The following RASEF variants were observed in gnomAD, a reference collection of about 807,000 sequenced individuals.
RASEF encodes the protein ras and EF-hand domain-containing protein.
RASEF carries 68 observed loss-of-function variants against 90.1 expected under a neutral mutation model. That is an observed-to-expected ratio of 0.75 (90% confidence interval 0.62 to 0.92). The LOEUF (loss-of-function observed/expected upper bound fraction) is 0.92, where lower values mean the gene tolerates loss of function less well. RASEF is among the 40% of genes least tolerant of loss of function. RASEF has a pLI of 0.00. For synonymous variants in RASEF, 331 were observed against 345.2 expected (o/e 0.96, Z 0.46); for missense variants, 949 against 937.2 (o/e 1.01, Z -0.16).
chr9:83,200,713 C>A, the RASEF span, among the ~76,000 whole-genome samples: 3 of 152,152 alleles, frequency 2.0e-5, no homozygotes, highest in Non-Finnish European at 4.4e-5. Flanking sequence ...ACTGCTGTAT[C>A]CCCAGGTTCT....
At chr9:83,091,086 A>G in the RASEF span, among the ~76,000 whole-genome samples, 2 of 152,186 alleles carry the variant, frequency 1.3e-5, no homozygotes, top group African/African-American at 4.8e-5. Flanking sequence ...ACATTCATCC[A>G]GCCAGGTGGT....
the RASEF span, among the ~76,000 whole-genome samples, chr9:83,093,251 A>G: frequency 2.6e-5 from 4 of 152,210 alleles, no homozygotes; most frequent in African/African-American, 4.8e-5. Flanking sequence ...TGGATCCCGC[A>G]CCAGGCTGCA....
At chr9:83,210,869 G>A in the RASEF span, among the ~76,000 whole-genome samples, 8 of 152,184 alleles carry the variant, frequency 5.3e-5, no homozygotes, top group Non-Finnish European at 8.8e-5. Context: ...CCAGACAAAC[G>A]AAGCTGGTCA....
the RASEF span, among the ~76,000 whole-genome samples, chr9:83,093,913 C>A: frequency 2.0e-5 from 3 of 152,066 alleles, no homozygotes; most frequent in African/African-American, 4.8e-5. Context: ...AGAATGATAG[C>A]TTCATAAATG....
rs1293538091 is a variant in RASEF at position 83,053,373 on chromosome 9, C to A, written c.431+9064G>T. Among the ~76,000 whole-genome samples the A allele has an allele frequency of 4.8e-5, 4 of 83,780 alleles. 1 individual carries two copies. The highest frequency in any genetic ancestry group is 3.3e-4 in the Admixed American group (3 of 9,100). The allele number at this position is 83,780 out of a possible 152,430, so 55.0% of individuals were successfully genotyped here. A position where few individuals can be genotyped will look rare whatever the true frequency, so the allele number is the denominator to read the frequency against. ...CAGAGACTAGGATTGCAACCCCTGC[C>A]TTTTTTTGTTTTCCATTTGCTTGGT... is the stretch of plus-strand genomic sequence containing the variant. On this transcript the variant is annotated intron_variant, in intron 1 of 16. Transcript: ENST00000376447.
intron 1 of RASEF, among the ~76,000 whole-genome samples, chr9:83,030,250 G>A (rs1302940860): frequency 4.6e-5 from 7 of 151,960 alleles, no homozygotes; most frequent in Non-Finnish European, 8.8e-5. Context: ...CCAGCTACTC[G>A]GGAGGCTGAG....
At chr9:83,198,202 C>T in the RASEF span, among the ~76,000 whole-genome samples, 2 of 152,152 alleles carry the variant, frequency 1.3e-5, no homozygotes, top group Non-Finnish European at 2.9e-5. Context: ...TACCCCAAAA[C>T]ATATAATTTA....
chr9:83,052,703 A>T (rs1564089725), intron 1 of RASEF, among the ~76,000 whole-genome samples: 3 of 82,134 alleles, frequency 3.7e-5, no homozygotes, highest in Non-Finnish European at 6.9e-5. Flanking sequence ...TTCCCTCTAC[A>T]CACTGCTTTG....
the RASEF span, among the ~76,000 whole-genome samples, chr9:83,185,353 C>CTT: frequency 0.34 from 48,672 of 142,920 alleles, 9,704 homozygotes; most frequent in Non-Finnish European, 0.46. Flanking sequence ...TTCTTTCTTT[C>CTT]TTTTTTTTTT....
At chr9:83,041,380 CCCAA>C (rs1829839565) in intron 1 of RASEF, among the ~76,000 whole-genome samples, 1 of 152,156 alleles carries the variant, frequency 6.6e-6, no homozygotes, top group Non-Finnish European at 1.5e-5. Flanking sequence ...TACCTTGCTA[CCCAA>C]CCATCAAACA....
upstream of RASEF, among the ~76,000 whole-genome samples, chr9:83,063,369 C>T (rs1830253057): frequency 6.6e-6 from 1 of 152,204 alleles, no homozygotes; most frequent in African/African-American, 2.4e-5. Flanking sequence ...CTCCGCTTCT[C>T]CACAGAACGT....
the RASEF span, among the ~76,000 whole-genome samples, chr9:83,159,784 C>T: frequency 6.6e-6 from 1 of 152,114 alleles, no homozygotes; most frequent in African/African-American, 2.4e-5. Context: ...TAGCTGTGTC[C>T]TCACCCAAAT....
At position 82,982,803 on chromosome 9, in the gene RASEF, GAC is replaced by G. The variant is rs373784623; in HGVS notation, c.2118-23_2118-22del. 2.8e-3 allele frequency: 3,309 copies of G among 1,201,210 alleles called. 66 individuals carry two copies. The African/African-American group carries it at 0.051, about 19-fold the overall frequency. The allele number at this position is 1,201,210 out of a possible 1,614,324, so 74.4% of individuals were successfully genotyped here. A position where few individuals can be genotyped will look rare whatever the true frequency, so the allele number is the denominator to read the frequency against. On this transcript the variant is annotated intron_variant, in intron 16 of 16. Coordinates refer to ENST00000376447, the MANE Select transcript of RASEF (RefSeq NM_152573.4). The stretch of plus-strand genomic sequence containing the variant: ...CTTCTCTGAGACAGAGATAGAGAGA[GAC>G]AGAGAGAGAGAGAGAGAGAGAGAGA...
At chr9:83,215,613 A>G in the RASEF span, among the ~76,000 whole-genome samples, 1 of 152,144 alleles carries the variant, frequency 6.6e-6, no homozygotes, top group African/African-American at 2.4e-5. Flanking sequence ...TTTATAAATT[A>G]CCCAGTCTCA....
chr9:83,090,636 T>C, the RASEF span, among the ~76,000 whole-genome samples: 1 of 152,108 alleles, frequency 6.6e-6, no homozygotes, highest in Non-Finnish European at 1.5e-5. Flanking sequence ...ACTCTTAACC[T>C]CAGGTGATCC....
At chr9:83,017,636 G>A (rs1829368152) in intron 3 of RASEF, among the ~76,000 whole-genome samples, 2 of 152,246 alleles carry the variant, frequency 1.3e-5, no homozygotes, top group Admixed American at 1.3e-4. Flanking sequence ...AGAAATGGTA[G>A]TGGTTCAGAT....
At chr9:83,048,242 T>C in intron 1 of RASEF, 8 of 985,384 alleles carry the variant, frequency 8.1e-6, no homozygotes, top group Non-Finnish European at 9.6e-6. Context: ...GATGCTGGAC[T>C]ACAAAAGAAA....
intron 5 of RASEF, among the ~76,000 whole-genome samples, 158 bp from the exon 6 acceptor site, chr9:83,009,914 T>G (rs986517630): frequency 2.6e-5 from 4 of 152,192 alleles, no homozygotes; most frequent in Non-Finnish European, 4.4e-5. Context: ...TCAAGGTAAT[T>G]TGAAATCAAT....
chr9:83,196,024 G>A, the RASEF span, among the ~76,000 whole-genome samples: 1 of 152,058 alleles, frequency 6.6e-6, no homozygotes, highest in Non-Finnish European at 1.5e-5. Context: ...AGTGGACACG[G>A]CACACGAAAG....
Sources: gnomAD v4.1 joint callset for allele counts (sites outside exome capture counted in the v4.1 genomes callset) on GRCh38, gnomAD v4.1.1 for gene constraint, MANE v1.5 for transcripts, NCBI Gene and HGNC (gene_info 2026-07-23, HGNC 2026-07-21) for gene names.